Variants in SGCD observed in about 807,000 individuals in gnomAD.
The protein encoded by SGCD is delta-sarcoglycan.
In SGCD, 18 loss-of-function variants were observed where a neutral mutation model predicts 36.6. The ratio of observed to expected loss-of-function variants is 0.49; its 90% CI spans 0.34 to 0.73. SGCD has a LOEUF of 0.73. Ranked by LOEUF, SGCD falls within the 30% of genes least tolerant of loss-of-function variation. The pLI, the probability that SGCD is intolerant of heterozygous loss-of-function variation, is 0.01. For synonymous variants in SGCD, 133 were observed against 130.6 expected (o/e 1.02, Z -0.12); for missense variants, 387 against 346.7 (o/e 1.12, Z -0.92).
At chr5:155,986,487 G>A (rs1314325008) in intron 1 of SGCD, among the ~76,000 whole-genome samples, 1 of 152,220 alleles carries the variant, frequency 6.6e-6, no homozygotes, top group African/African-American at 2.4e-5. Flanking sequence ...CCAGAAGCCT[G>A]AGATGAGCAT....
chr5:156,031,256 T>C (rs1224824019), intron 1 of SGCD, among the ~76,000 whole-genome samples: 1 of 152,222 alleles, frequency 6.6e-6, no homozygotes, highest in South Asian at 2.1e-4. Context: ...TCAGGTGATA[T>C]TGATGCTGCT....
Position 156,587,633 on chromosome 5 carries a change from C to A in SGCD, c.295-1598C>A, listed in dbSNP as rs990879425. Reference sequence around the variant, plus strand: ...CTGGCCAATCCAGTCTGCATCCCCACCAGTTTTAGAAGGAAAAAGACATTA... The same window carrying A: ...CTGGCCAATCCAGTCTGCATCCCCAACAGTTTTAGAAGGAAAAAGACATTA... On this transcript the variant is annotated intron_variant, in intron 4 of 8. Coordinates refer to ENST00000337851, the MANE Select transcript of SGCD (RefSeq NM_000337.6). 6.6e-5 allele frequency among the ~76,000 whole-genome samples: 10 copies of A among 152,252 alleles called. No individual in the cohort carries two copies. In the Middle Eastern group the frequency reaches 0.014, roughly 207 times the overall value.
chr5:156,760,082 A>G lies in SGCD; in HGVS notation c.*692A>G, dbSNP rs1182599721. On this transcript the variant is annotated 3_prime_UTR_variant, in exon 9 of 9. Coordinates refer to ENST00000337851, the MANE Select transcript of SGCD (RefSeq NM_000337.6). Reference sequence around the variant, plus strand: ...TTGAACTGCTCACCCAACTTCTGCTATCTTGCTCCCTCCAAACTCACAGAT... The same window carrying G: ...TTGAACTGCTCACCCAACTTCTGCTGTCTTGCTCCCTCCAAACTCACAGAT... The G allele has an allele frequency of 6.6e-6, 1 of 152,218 alleles. No individual in the cohort carries two copies. Among genetic ancestry groups the G allele is most frequent in the African/African-American group, 2.4e-5 (1 of 41,456 alleles). The allele number at this position is 152,218 out of a possible 1,614,324, so 9.4% of individuals were successfully genotyped here.
Position 156,337,641 on chromosome 5 carries a change from T to C in SGCD, c.4-6848T>C, listed in dbSNP as rs1350637834. On this transcript the variant is annotated intron_variant, in intron 2 of 8. Transcript: ENST00000337851. Reference sequence around the variant, plus strand: ...GAGTGGTTCACCTTCTATTCTCTATTACAGGTACCTCTTCGTTCTTCCTAG... The same window carrying C: ...GAGTGGTTCACCTTCTATTCTCTATCACAGGTACCTCTTCGTTCTTCCTAG... Among the ~76,000 whole-genome samples the C allele has an allele frequency of 2.6e-5, 4 of 152,168 alleles. No homozygotes were observed. The East Asian group carries it at 7.7e-4, about 29-fold the overall frequency.
At position 155,976,224 on chromosome 5, in the gene SGCD, A is replaced by G. The variant is rs1336168756; in HGVS notation, c.-282+105800A>G. 3.9e-5 allele frequency among the ~76,000 whole-genome samples: 6 copies of G among 152,286 alleles called. No individual in the cohort carries two copies. In the East Asian group the frequency reaches 1.2e-3, roughly 29 times the overall value. The stretch of plus-strand genomic sequence containing the variant: ...GGGCTCTCTAAAAGGGTCTTATACC[A>G]TTTTGTCTCTATAAAAATAGGTCTG... On this transcript the variant is annotated intron_variant, in intron 1 of 9. Transcript: ENST00000517913.
the SGCD span, among the ~76,000 whole-genome samples, chr5:155,764,319 C>T: frequency 6.6e-6 from 1 of 152,064 alleles, no homozygotes; most frequent in Non-Finnish European, 1.5e-5. Flanking sequence ...TCACCACCAA[C>T]AAAAAACGTC....
chr5:155,756,339 C>T, the SGCD span, among the ~76,000 whole-genome samples: 3 of 152,168 alleles, frequency 2.0e-5, no homozygotes, highest in African/African-American at 4.8e-5. Flanking sequence ...ATCTAGAGGT[C>T]GAGAAAGTTT....
chr5:155,910,205 A>G (rs778231846), intron 1 of SGCD, among the ~76,000 whole-genome samples: 2 of 152,074 alleles, frequency 1.3e-5, no homozygotes, highest in Non-Finnish European at 2.9e-5. Context: ...CTCGACTAAC[A>G]TAGTGTTATT....
At chr5:156,166,268 C>G (rs561580317) in intron 3 of SGCD, among the ~76,000 whole-genome samples, 1 of 151,946 alleles carries the variant, frequency 6.6e-6, no homozygotes, top group South Asian at 2.1e-4. Flanking sequence ...TTAAAAGGTA[C>G]TGTAGTGCCT....
At chr5:155,927,675 A>G (rs1757019928) in intron 1 of SGCD, among the ~76,000 whole-genome samples, 1 of 152,176 alleles carries the variant, frequency 6.6e-6, no homozygotes, top group African/African-American at 2.4e-5. Flanking sequence ...GGAGTGTTTA[A>G]TATTTTGTGG....
chr5:156,291,533 C>T (rs1023237656), intron 3 of SGCD, among the ~76,000 whole-genome samples: 1 of 152,024 alleles, frequency 6.6e-6, no homozygotes, highest in Admixed American at 6.6e-5. Flanking sequence ...CAAAAATTTT[C>T]ATTAAAATTT....
chr5:155,859,887 A>G, the SGCD span, among the ~76,000 whole-genome samples: 2 of 152,236 alleles, frequency 1.3e-5, no homozygotes, highest in Admixed American at 1.3e-4. Context: ...CTCCAAATCC[A>G]GGTGATAGTC....
At chr5:156,055,664 C>T (rs986781108) in intron 1 of SGCD, among the ~76,000 whole-genome samples, 2 of 146,432 alleles carry the variant, frequency 1.4e-5, no homozygotes, top group African/African-American at 4.9e-5. Flanking sequence ...TACTCTTTAA[C>T]AAACCTAATT....
chr5:156,530,259 GT>G (rs1305337852), intron 4 of SGCD, among the ~76,000 whole-genome samples: 1 of 151,782 alleles, frequency 6.6e-6, no homozygotes, highest in Non-Finnish European at 1.5e-5. Context: ...TTAGCCCTCA[GT>G]TAAAGCTCAG....
chr5:156,429,864 G>T (rs1324564213), intron 3 of SGCD, among the ~76,000 whole-genome samples: 1 of 152,150 alleles, frequency 6.6e-6, no homozygotes, highest in African/African-American at 2.4e-5. Flanking sequence ...CTTCTGGCTT[G>T]TAAGGTTTCT....
At chr5:156,239,852 T>C (rs1039278615) in intron 3 of SGCD, among the ~76,000 whole-genome samples, 2 of 152,214 alleles carry the variant, frequency 1.3e-5, no homozygotes, top group Non-Finnish European at 2.9e-5. Context: ...CTATAAACTG[T>C]TAGGGAAACA....
intron 3 of SGCD, among the ~76,000 whole-genome samples, chr5:156,316,520 G>T (rs1444841115): frequency 6.6e-6 from 1 of 151,908 alleles, no homozygotes; most frequent in African/African-American, 2.4e-5. Flanking sequence ...GCAGAACAAA[G>T]TTGGAGGCAG....
chr5:155,882,095 T>C (rs1419111755), intron 1 of SGCD, among the ~76,000 whole-genome samples: 1 of 151,866 alleles, frequency 6.6e-6, no homozygotes, highest in Non-Finnish European at 1.5e-5. Flanking sequence ...CCATGAATCA[T>C]ACTATTATTA....
intron 1 of SGCD, among the ~76,000 whole-genome samples, chr5:155,904,915 C>T (rs1756469438): frequency 6.6e-6 from 1 of 152,132 alleles, no homozygotes; most frequent in South Asian, 2.1e-4. Flanking sequence ...GGTGGACAAC[C>T]TTGAGCATGA....
Sources: gnomAD v4.1 joint callset for allele counts (sites outside exome capture counted in the v4.1 genomes callset) on GRCh38, gnomAD v4.1.1 for gene constraint, MANE v1.5 for transcripts, NCBI Gene and HGNC (gene_info 2026-07-23, HGNC 2026-07-21) for gene names.